The following PLD5 variants were observed in gnomAD, a reference collection of about 807,000 sequenced individuals.
PLD5 encodes phospholipase D family member 5, also known as inactive phospholipase D5.
Under a neutral mutation model 61.1 loss-of-function variants are expected in PLD5, and 36 were observed. That is an observed-to-expected ratio of 0.59 (90% confidence interval 0.45 to 0.78). PLD5 has a LOEUF of 0.78. PLD5 is among the 30% of genes least tolerant of loss of function. PLD5 has a pLI of 0.00. For missense variants in PLD5, 515 were observed against 644.4 expected, an observed-to-expected ratio of 0.80 and a Z score of 2.17; for synonymous variants, 243 against 242.8, an observed-to-expected ratio of 1.00 and a Z score of -0.01.
At chr1:242,322,236 T>C (rs1299598655) in intron 2 of PLD5, among the ~76,000 whole-genome samples, 1 of 152,196 alleles carries the variant, frequency 6.6e-6, no homozygotes. Flanking sequence ...TCTCATCTAA[T>C]GTACGTTTGT....
At chr1:242,382,424 A>G (rs1662351143) in intron 1 of PLD5, among the ~76,000 whole-genome samples, 1 of 152,138 alleles carries the variant, frequency 6.6e-6, no homozygotes, top group Non-Finnish European at 1.5e-5. Flanking sequence ...TGTGCCAAGA[A>G]CAGAAAGACA....
intron 2 of PLD5, among the ~76,000 whole-genome samples, chr1:242,314,392 A>G (rs1217791822): frequency 2.0e-5 from 3 of 152,224 alleles, no homozygotes; most frequent in Non-Finnish European, 2.9e-5. Context: ...ATCTTGTGTA[A>G]GAATGGAGTC....
At chr1:242,220,161 G>T (rs1388023444) in intron 4 of PLD5, 46 bp from the exon 5 acceptor site, 1 of 1,601,166 alleles carries the variant, frequency 6.2e-7, no homozygotes, top group Non-Finnish European at 8.6e-7. Flanking sequence ...TCAAGGCCCT[G>T]CCTGGGCTGT....
intron 5 of PLD5, among the ~76,000 whole-genome samples, chr1:242,151,048 A>C (rs1664892054): frequency 6.6e-6 from 1 of 151,856 alleles, no homozygotes; most frequent in African/African-American, 2.4e-5. Flanking sequence ...AATAATACAT[A>C]CCACTTTATA....
At chr1:242,320,942 C>T (rs1241087461) in intron 2 of PLD5, among the ~76,000 whole-genome samples, 1 of 152,182 alleles carries the variant, frequency 6.6e-6, no homozygotes. Context: ...GAAAAATTCC[C>T]TCTCATCAGA....
At chr1:242,287,897 T>C (rs1287488993) in intron 3 of PLD5, among the ~76,000 whole-genome samples, 2 of 152,208 alleles carry the variant, frequency 1.3e-5, no homozygotes, top group African/African-American at 2.4e-5. Context: ...ACAACTATCC[T>C]GGGAAATTTC....
At chr1:242,391,890 C>T (rs1662955745) in intron 1 of PLD5, among the ~76,000 whole-genome samples, 1 of 152,192 alleles carries the variant, frequency 6.6e-6, no homozygotes, top group East Asian at 1.9e-4. Context: ...CCATTTGACT[C>T]AGCAATCCCA....
intron 5 of PLD5, among the ~76,000 whole-genome samples, chr1:242,165,440 T>A: frequency 7.3e-6 from 1 of 136,374 alleles, no homozygotes; most frequent in African/African-American, 2.8e-5. Flanking sequence ...AGGTTGTGTG[T>A]GGCTTTAAAG....
intron 5 of PLD5, among the ~76,000 whole-genome samples, chr1:242,169,322 T>A (rs568143917): frequency 2.0e-5 from 3 of 152,180 alleles, no homozygotes; most frequent in African/African-American, 7.2e-5. Flanking sequence ...TCACCTCACC[T>A]GGGAAGTGCA....
intron 1 of PLD5, among the ~76,000 whole-genome samples, chr1:242,362,601 C>T (rs1045055515): frequency 6.6e-6 from 1 of 152,108 alleles, no homozygotes; most frequent in African/African-American, 2.4e-5. Flanking sequence ...GGAAGCACGT[C>T]ACCCAGTAGA....
chr1:242,276,779 G>A (rs1340940486), intron 3 of PLD5, among the ~76,000 whole-genome samples: 1 of 152,006 alleles, frequency 6.6e-6, no homozygotes, highest in Non-Finnish European at 1.5e-5. Context: ...AACCAGTGGA[G>A]AGTATCTGGC....
At chr1:242,521,024 C>A (rs879838055) in intron 1 of PLD5, among the ~76,000 whole-genome samples, 1 of 152,218 alleles carries the variant, frequency 6.6e-6, no homozygotes, top group Non-Finnish European at 1.5e-5. Flanking sequence ...CAACCAAGAG[C>A]ATTATTTGTA....
At chr1:242,316,095 A>G (rs1419515367) in intron 2 of PLD5, among the ~76,000 whole-genome samples, 1 of 152,228 alleles carries the variant, frequency 6.6e-6, no homozygotes, top group Admixed American at 6.5e-5. Context: ...TGTATTCCAC[A>G]GGATTTATGT....
chr1:242,206,734 T>G (rs1441218931), intron 5 of PLD5, among the ~76,000 whole-genome samples: 1 of 152,160 alleles, frequency 6.6e-6, no homozygotes, highest in African/African-American at 2.4e-5. Context: ...GTCTTCACAT[T>G]GAATAAGCTC....
At chr1:242,173,175 C>T (rs1666874271) in intron 5 of PLD5, among the ~76,000 whole-genome samples, 1 of 152,138 alleles carries the variant, frequency 6.6e-6, no homozygotes, top group South Asian at 2.1e-4. Flanking sequence ...AGCCCAAAAT[C>T]TCCTTAAGCT....
At chr1:242,527,445 T>G (rs1346720911), upstream of PLD5, among the ~76,000 whole-genome samples, 1 of 152,186 alleles carries the variant, frequency 6.6e-6, no homozygotes, top group Non-Finnish European at 1.5e-5. Context: ...CAATCTCTAT[T>G]TTTTGAAGAA....
chr1:242,491,293 C>T (rs868797423), intron 1 of PLD5, among the ~76,000 whole-genome samples: 1 of 152,134 alleles, frequency 6.6e-6, no homozygotes, highest in African/African-American at 2.4e-5. Flanking sequence ...TAGAAGAGAA[C>T]ATTGAAAAAA....
intron 5 of PLD5, among the ~76,000 whole-genome samples, chr1:242,208,344 T>C (rs564809198): frequency 3.3e-5 from 5 of 152,162 alleles, no homozygotes; most frequent in African/African-American, 9.6e-5. Flanking sequence ...AGAATACTTA[T>C]AGCTGACACC....
chr1:242,179,746 T>C (rs1024361709), intron 5 of PLD5, among the ~76,000 whole-genome samples: 2 of 152,044 alleles, frequency 1.3e-5, no homozygotes, highest in Non-Finnish European at 2.9e-5. Context: ...CTACTAAAAA[T>C]ACAAAAATTA....
Sources: gnomAD v4.1 joint callset for allele counts (sites outside exome capture counted in the v4.1 genomes callset) on GRCh38, gnomAD v4.1.1 for gene constraint, MANE v1.5 for transcripts, NCBI Gene and HGNC (gene_info 2026-07-23, HGNC 2026-07-21) for gene names.